The following GXYLT2 variants were observed in gnomAD, a reference collection of about 807,000 sequenced individuals.
The protein encoded by GXYLT2 is glycosyltransferase 8 domain containing 4.
In GXYLT2, 53 loss-of-function variants were observed where a neutral mutation model predicts 45.8. That is an observed-to-expected ratio of 1.16 (90% CI 0.93 to 1.46). The LOEUF is 1.46. GXYLT2 is among the 40% of genes most tolerant of loss of function. The pLI, the probability that GXYLT2 is intolerant of heterozygous loss-of-function variation, is 0.00. For synonymous variants in GXYLT2, 219 were observed against 214.2 expected (o/e 1.02, Z -0.19); for missense variants, 551 against 544.4 (o/e 1.01, Z -0.12).
chr3:72,968,499 A>G (rs1051181652), intron 6 of GXYLT2, among the ~76,000 whole-genome samples: 1 of 152,262 alleles, frequency 6.6e-6, no homozygotes, highest in Non-Finnish European at 1.5e-5. Context: ...GCTTAACTGC[A>G]GAAGTGCATG....
At chr3:72,957,555 A>G (rs1020781651) in intron 5 of GXYLT2, among the ~76,000 whole-genome samples, 9 of 152,172 alleles carry the variant, frequency 5.9e-5, no homozygotes, top group African/African-American at 2.2e-4. Flanking sequence ...AAAAGGCCAA[A>G]TGTTGAAACT....
chr3:72,889,897 T>G (rs9809547), intron 1 of GXYLT2, among the ~76,000 whole-genome samples: 10 of 124,576 alleles, frequency 8.0e-5, no homozygotes, highest in Non-Finnish European at 1.2e-4. Context: ...TTTCTTTTGG[T>G]TTTTTTTTTG....
At chr3:72,893,777 G>A (rs931788639) in intron 1 of GXYLT2, among the ~76,000 whole-genome samples, 1 of 151,964 alleles carries the variant, frequency 6.6e-6, no homozygotes, top group Admixed American at 6.6e-5. Context: ...GTCTTTAATA[G>A]TAACACCATT....
At chr3:72,939,102 G>C (rs1425107298) in intron 3 of GXYLT2, among the ~76,000 whole-genome samples, 1 of 152,126 alleles carries the variant, frequency 6.6e-6, no homozygotes, top group Non-Finnish European at 1.5e-5. Context: ...TTTCTCCTGT[G>C]CCACCCCATT....
At chr3:72,906,298 G>T (rs73838414) in intron 1 of GXYLT2, among the ~76,000 whole-genome samples, 2,679 of 152,152 alleles carry the variant, frequency 0.018, 72 homozygotes, top group African/African-American at 0.06. Flanking sequence ...TGTCCCCTCT[G>T]CGTGGCATGC....
At chr3:72,909,062 CTTTTTTTTTTT>C (rs71126804) in intron 2 of GXYLT2, among the ~76,000 whole-genome samples, 7 of 91,120 alleles carry the variant, frequency 7.7e-5, no homozygotes, top group South Asian at 7.8e-4. Context: ...TTCTTCCTTT[CTTTTTTTTTTT>C]TTTTTTTTTT....
At chr3:72,971,982 TTGA>T (rs951718178) in intron 6 of GXYLT2, among the ~76,000 whole-genome samples, 1 of 152,118 alleles carries the variant, frequency 6.6e-6, no homozygotes, top group East Asian at 1.9e-4. Flanking sequence ...GGAAGTTGTT[TTGA>T]TGATAACAAT....
chr3:72,911,703 G>C (rs1026800170), intron 2 of GXYLT2, among the ~76,000 whole-genome samples: 4 of 152,034 alleles, frequency 2.6e-5, no homozygotes, highest in African/African-American at 7.2e-5. Flanking sequence ...CCCTGAAACA[G>C]AACAACCCAG....
At chr3:72,899,559 G>A (rs1308602506) in intron 1 of GXYLT2, among the ~76,000 whole-genome samples, 1 of 152,150 alleles carries the variant, frequency 6.6e-6, no homozygotes, top group East Asian at 1.9e-4. Flanking sequence ...TAATCATGAC[G>A]TCAAGGGAGA....
In GXYLT2 at chr3:72,955,257, C is replaced by G. The variant is rs369831629; in HGVS notation, c.760C>G (p.Arg254Gly). ...AATCCCCAAGATTGGCTGGTACAGC[C>G]GCTTTGCTAGGCATCCTTTCTATGG... ...HEIPKIGWYS[R>G]FARHPFYGSA... is the part of the protein sequence containing the mutation. Residue 254 changes from arginine to glycine, a missense_variant, in exon 4 of 7, where the codon CGC becomes GGC. Physicochemically the swap from Arg to Gly is moderately radical, Grantham distance 125. Transcript: ENST00000389617. The G allele has an allele frequency of 1.2e-6, 2 of 1,613,978 alleles. No individual in the cohort carries two copies. Among genetic ancestry groups the G allele is most frequent in the East Asian group, 2.2e-5 (1 of 44,884 alleles).
At chr3:72,962,912 A>C (rs957051158) in intron 5 of GXYLT2, among the ~76,000 whole-genome samples, 8 of 151,888 alleles carry the variant, frequency 5.3e-5, no homozygotes, top group Admixed American at 6.6e-5. Context: ...TGAAATAAGG[A>C]AAAAGAGAAT....
intron 2 of GXYLT2, among the ~76,000 whole-genome samples, chr3:72,909,062 C>CTTTTTTTTTTTTTTTTT (rs71126804): frequency 1.1e-5 from 1 of 91,120 alleles, no homozygotes; most frequent in Non-Finnish European, 2.1e-5. Context: ...TTCTTCCTTT[C>CTTTTTTTTTTTTTTTTT]TTTTTTTTTT....
chr3:72,905,183 TCTCAG>T (rs1316740996), intron 1 of GXYLT2, among the ~76,000 whole-genome samples: 1 of 151,302 alleles, frequency 6.6e-6, no homozygotes, highest in Non-Finnish European at 1.5e-5. Context: ...AGTGGCACGA[TCTCAG>T]CTCATTGTAA....
intron 6 of GXYLT2, 35 bp from the exon 7 acceptor site, chr3:72,974,942 G>A (rs1447746960): frequency 4.8e-6 from 7 of 1,459,944 alleles, no homozygotes; most frequent in African/African-American, 1.4e-5. Flanking sequence ...TGGCATTTCC[G>A]TTACTAAATA....
intron 5 of GXYLT2, among the ~76,000 whole-genome samples, chr3:72,959,651 T>C (rs1489290166): frequency 6.6e-6 from 1 of 151,990 alleles, no homozygotes; most frequent in Admixed American, 6.6e-5. Flanking sequence ...TTTTTTTTTC[T>C]TGAGATGGAA....
At position 72,970,385 on chromosome 3, in the gene GXYLT2, C is replaced by T. The variant is rs200544041; in HGVS notation, c.1149+2666C>T. Among the ~76,000 whole-genome samples the T allele has an allele frequency of 3.3e-5, 5 of 150,562 alleles. No individual in the cohort carries two copies. In the East Asian group the frequency reaches 5.9e-4, roughly 18 times the overall value. The stretch of plus-strand genomic sequence containing the variant: ...AATTAATTAATTAATTAAATAGGCC[C>T]GGTACAGAAGCTCACGCCTATAATC... On this transcript the variant is annotated intron_variant, in intron 6 of 6. Coordinates refer to ENST00000389617, the MANE Select transcript of GXYLT2 (RefSeq NM_001080393.2).
chr3:72,894,384 G>A (rs771651346), intron 1 of GXYLT2, among the ~76,000 whole-genome samples: 8 of 152,242 alleles, frequency 5.3e-5, no homozygotes, highest in Non-Finnish European at 8.8e-5. Flanking sequence ...CACCCAGGAA[G>A]TGAGCATCCA....
chr3:72,932,353 T>TGGCCCACTTTAA (rs1710054910), intron 3 of GXYLT2, among the ~76,000 whole-genome samples: 1 of 152,204 alleles, frequency 6.6e-6, no homozygotes, highest in Non-Finnish European at 1.5e-5. Flanking sequence ...CCACCGTACG[T>TGGCCCACTTTAA]GGCCCACTTT....
chr3:72,954,461 A>G (rs1214979699), intron 3 of GXYLT2, among the ~76,000 whole-genome samples: 1 of 147,916 alleles, frequency 6.8e-6, no homozygotes, highest in Non-Finnish European at 1.5e-5. Flanking sequence ...ATTTATATAT[A>G]TTTTAAAAGA....
Sources: gnomAD v4.1 joint callset for allele counts (sites outside exome capture counted in the v4.1 genomes callset) on GRCh38, gnomAD v4.1.1 for gene constraint, MANE v1.5 for transcripts, NCBI Gene and HGNC (gene_info 2026-07-23, HGNC 2026-07-21) for gene names.